CEMIP: variants seen among roughly 807,000 people sequenced by gnomAD.
The protein encoded by CEMIP is cell migration inducing hyaluronidase 1.
In CEMIP, 105 loss-of-function variants were observed where a neutral mutation model predicts 156.9. The observed-to-expected ratio is 0.67, with a 90% CI of 0.57 to 0.79. The LOEUF (loss-of-function observed/expected upper bound fraction) is 0.79. CEMIP is among the 30% of genes least tolerant of loss of function. The pLI, the probability that CEMIP is intolerant of heterozygous loss-of-function variation, is 0.00. For missense variants in CEMIP, 1,457 were observed against 1,769.4 expected, an observed-to-expected ratio of 0.82 and a Z score of 3.17; for synonymous variants, 676 against 668.4, an observed-to-expected ratio of 1.01 and a Z score of -0.17.
Position 80,937,853 on chromosome 15 carries a change from C to A in CEMIP, c.3281C>A (p.Ser1094Ter), listed in dbSNP as rs750169411. ...YPRGTTFSIL[S>*]DVHNRLLKQT... is the part of the protein sequence containing the mutation. Reference sequence around the variant, plus strand: ...CGAGGCACCACATTCTCCATCCTCTCGGATGTTCACAATCGCCTGCTGAAG... The same window carrying A: ...CGAGGCACCACATTCTCCATCCTCTAGGATGTTCACAATCGCCTGCTGAAG... Residue 1094 changes from serine (S) to a stop codon, truncating the protein, a stop_gained, in exon 25 of 30, where the codon TCG becomes TAG. Transcript: ENST00000394685. LOFTEE classifies it high-confidence loss of function. The A allele has an allele frequency of 6.2e-7, 1 of 1,614,208 alleles. No individual in the cohort carries two copies. Among genetic ancestry groups the A allele is most frequent in the East Asian group, 2.2e-5 (1 of 44,888 alleles).
chr15:80,853,437 G>A (rs1050658990), intron 1 of CEMIP, among the ~76,000 whole-genome samples: 2 of 152,172 alleles, frequency 1.3e-5, no homozygotes, highest in Non-Finnish European at 2.9e-5. Flanking sequence ...CAGAAATCTT[G>A]CTGAACAAGC....
At chr15:80,781,507 G>A (rs1895795122) in intron 1 of CEMIP, among the ~76,000 whole-genome samples, 1 of 152,192 alleles carries the variant, frequency 6.6e-6, no homozygotes, top group Non-Finnish European at 1.5e-5. Flanking sequence ...TCTCTGGTAA[G>A]AAACGACACT....
At chr15:80,938,296 C>A in intron 25 of CEMIP, 1 of 351,168 alleles carries the variant, frequency 2.8e-6, no homozygotes. Flanking sequence ...ATCCTCACAA[C>A]AACCTGCTTG....
chr15:80,869,685 G>A (rs1013211288), intron 1 of CEMIP, among the ~76,000 whole-genome samples: 1 of 152,164 alleles, frequency 6.6e-6, no homozygotes, highest in Non-Finnish European at 1.5e-5. Flanking sequence ...CGAGAGGCAG[G>A]ATTCACATCC....
intron 1 of CEMIP, among the ~76,000 whole-genome samples, chr15:80,844,328 T>A (rs973478321): frequency 3.9e-5 from 6 of 152,110 alleles, no homozygotes; most frequent in African/African-American, 7.2e-5. Context: ...TAATGTGTCC[T>A]GGGGAAAATA....
At chr15:80,868,304 A>T (rs929688062) in intron 1 of CEMIP, among the ~76,000 whole-genome samples, 1 of 152,186 alleles carries the variant, frequency 6.6e-6, no homozygotes, top group Non-Finnish European at 1.5e-5. Context: ...AATGGCTCAA[A>T]TCAAGCATTT....
intron 12 of CEMIP, among the ~76,000 whole-genome samples, chr15:80,905,985 A>G (rs1052534777): frequency 2.0e-5 from 3 of 152,190 alleles, no homozygotes; most frequent in African/African-American, 7.2e-5. Flanking sequence ...AGAAGCTCCA[A>G]TCTGGCTCTT....
intron 1 of CEMIP, among the ~76,000 whole-genome samples, chr15:80,848,987 T>C: frequency 3.5e-5 from 1 of 28,212 alleles, no homozygotes; most frequent in African/African-American, 1.6e-4. Flanking sequence ...TTTTTTTTTT[T>C]TTTTTTTTTT....
intron 24 of CEMIP, 151 bp from the exon 25 acceptor site, chr15:80,937,643 C>A: frequency 1.4e-6 from 1 of 712,100 alleles, no homozygotes; most frequent in Non-Finnish European, 2.5e-6. Context: ...AACTCAGTCA[C>A]CACGACAGCA....
chr15:80,941,602 T>C (rs979176000), intron 25 of CEMIP, among the ~76,000 whole-genome samples: 1 of 152,230 alleles, frequency 6.6e-6, no homozygotes, highest in Non-Finnish European at 1.5e-5. Context: ...CGATTTACGA[T>C]GTGTGCACGG....
chr15:80,804,594 CA>C (rs1024870987), intron 1 of CEMIP, among the ~76,000 whole-genome samples: 2 of 152,202 alleles, frequency 1.3e-5, no homozygotes, highest in Non-Finnish European at 2.9e-5. Context: ...CCAGGTGCCT[CA>C]CCTACTGCTC....
At position 80,878,827 on chromosome 15, in the gene CEMIP, C is replaced by T; in HGVS notation, c.201C>T (p.Thr67=). ...GCCAGGGCAAGACACTGCTGCTCACCTCTTCTGCCACGGTCTATTCCATCC... is the reference window on the plus strand; with the variant it reads ...GCCAGGGCAAGACACTGCTGCTCACTTCTTCTGCCACGGTCTATTCCATCC... ...HIGQGKTLLL[T]SSATVYSIHI... The change falls in exon 4 of 30, where the codon ACC becomes ACT. Residue 67 remains threonine, a synonymous_variant. Coordinates refer to ENST00000394685, the MANE Select transcript of CEMIP (RefSeq NM_001293298.2). 1 of 1,614,188 alleles carries T rather than the reference C, an allele frequency of 6.2e-7. No individual in the cohort carries two copies. Among genetic ancestry groups the T allele is most frequent in the Non-Finnish European group, 8.5e-7 (1 of 1,180,014 alleles).
chr15:80,799,692 T>C (rs1042274860), intron 1 of CEMIP, among the ~76,000 whole-genome samples: 5 of 152,148 alleles, frequency 3.3e-5, no homozygotes, highest in African/African-American at 1.2e-4. Flanking sequence ...AATGGATGAA[T>C]GGATAAAGAA....
chr15:80,884,062 GC>G, intron 6 of CEMIP, 112 bp from the exon 7 acceptor site: 1 of 1,062,702 alleles, frequency 9.4e-7, no homozygotes. Flanking sequence ...AAGAATCACA[GC>G]CCTGGGATCA....
At chr15:80,805,923 T>A (rs1228524435) in intron 1 of CEMIP, among the ~76,000 whole-genome samples, 1 of 152,202 alleles carries the variant, frequency 6.6e-6, no homozygotes, top group Non-Finnish European at 1.5e-5. Flanking sequence ...AACACTGAAC[T>A]CATTGGGACA....
At chr15:80,898,231 C>G (rs567988175) in intron 12 of CEMIP, among the ~76,000 whole-genome samples, 19 of 152,280 alleles carry the variant, frequency 1.2e-4, no homozygotes, top group Non-Finnish European at 8.8e-5. Context: ...CCAGGAATGC[C>G]AGTTATTTGC....
intron 3 of CEMIP, among the ~76,000 whole-genome samples, chr15:80,876,077 G>C (rs989024437): frequency 2.0e-5 from 3 of 152,254 alleles, no homozygotes; most frequent in Non-Finnish European, 4.4e-5. Context: ...GCTTTGCCCA[G>C]TGGAGTTGCA....
intron 10 of CEMIP, among the ~76,000 whole-genome samples, chr15:80,890,423 A>G (rs1319075448): frequency 7.2e-6 from 1 of 138,938 alleles, no homozygotes; most frequent in Non-Finnish European, 1.6e-5. Context: ...GACTAAAAAT[A>G]CAAAAAAAAA....
intron 7 of CEMIP, among the ~76,000 whole-genome samples, chr15:80,886,363 T>A (rs1898838918): frequency 6.6e-6 from 1 of 152,104 alleles, no homozygotes; most frequent in Non-Finnish European, 1.5e-5. Flanking sequence ...GGAGCTTGGA[T>A]TTTATCCAAA....
Sources: gnomAD v4.1 joint callset for allele counts (sites outside exome capture counted in the v4.1 genomes callset) on GRCh38, gnomAD v4.1.1 for gene constraint, MANE v1.5 for transcripts, NCBI Gene and HGNC (gene_info 2026-07-23, HGNC 2026-07-21) for gene names.